The following MAGI1 variants were observed in gnomAD, a reference collection of about 807,000 sequenced individuals.
The protein encoded by MAGI1 is membrane-associated guanylate kinase, WW and PDZ domain-containing protein 1.
Under a neutral mutation model 139.9 loss-of-function variants are expected in MAGI1, and 58 were observed. The observed-to-expected ratio is 0.41, with a 90% CI of 0.34 to 0.52. The LOEUF (loss-of-function observed/expected upper bound fraction) is 0.52. Ranked by LOEUF, MAGI1 falls within the 20% of genes least tolerant of loss-of-function variation. The probability of loss-of-function intolerance (pLI) is 0.12; values close to 1 mark genes in which losing one functional copy is unlikely to be tolerated. For missense variants in MAGI1, 1,874 were observed against 1,901.6 expected (o/e 0.99, Z 0.27); for synonymous variants, 812 against 737.9 (o/e 1.10, Z -1.63).
chr3:65,478,564 A>T, intron 4 of MAGI1, 28 bp downstream of exon 4: 1 of 1,604,220 alleles, frequency 6.2e-7, no homozygotes, highest in South Asian at 1.1e-5. Flanking sequence ...CCCCAGGTCC[A>T]TTGAGGGCAA....
intron 1 of MAGI1, among the ~76,000 whole-genome samples, chr3:66,010,432 A>G (rs2067268070): frequency 6.6e-6 from 1 of 152,128 alleles, no homozygotes; most frequent in African/African-American, 2.4e-5. Context: ...TCTTAGCATG[A>G]TATTCACTGA....
chr3:65,904,645 T>A (rs1375419373), intron 1 of MAGI1, among the ~76,000 whole-genome samples: 1 of 152,210 alleles, frequency 6.6e-6, no homozygotes, highest in African/African-American at 2.4e-5. Flanking sequence ...TCTGGCTTTC[T>A]CATTCTCCAG....
At chr3:65,497,652 T>C (rs1952549809) in intron 2 of MAGI1, among the ~76,000 whole-genome samples, 1 of 152,174 alleles carries the variant, frequency 6.6e-6, no homozygotes, top group Admixed American at 6.5e-5. Context: ...CTAGACAATG[T>C]TGATTTTTTT....
intron 1 of MAGI1, among the ~76,000 whole-genome samples, chr3:65,780,270 C>A (rs528712517): frequency 5.3e-5 from 8 of 152,286 alleles, no homozygotes; most frequent in Middle Eastern, 3.4e-3. Flanking sequence ...GTGATCCCCC[C>A]GCTTCAATCT....
intron 1 of MAGI1, among the ~76,000 whole-genome samples, chr3:65,727,869 G>A (rs1054985061): frequency 5.3e-5 from 8 of 152,136 alleles, no homozygotes; most frequent in African/African-American, 1.9e-4. Flanking sequence ...ATTCAGAAGT[G>A]AAAATTATGT....
chr3:65,429,486 A>T lies in MAGI1; in HGVS notation c.2167+34T>A, dbSNP rs760752587. 9 of 1,545,372 alleles carry T rather than the reference A, an allele frequency of 5.8e-6. No individual in the cohort carries two copies. The South Asian group carries it at 8.8e-5, about 15-fold the overall frequency. ...AGTTAAGCAATGAATTTGGGATAAAAAAAAAATTCAAAGAACAAAACAACC... is the reference window on the plus strand; with the variant it reads ...AGTTAAGCAATGAATTTGGGATAAATAAAAAATTCAAAGAACAAAACAACC... On this transcript the variant is annotated intron_variant, in intron 12 of 22. Transcript: ENST00000402939.
intron 1 of MAGI1, among the ~76,000 whole-genome samples, chr3:65,692,272 T>C (rs985627596): frequency 3.3e-5 from 5 of 152,180 alleles, no homozygotes; most frequent in Non-Finnish European, 7.3e-5. Flanking sequence ...AAGACAGATA[T>C]CGTTTATTCA....
At chr3:65,889,808 G>T (rs1351556971) in intron 1 of MAGI1, among the ~76,000 whole-genome samples, 3 of 152,110 alleles carry the variant, frequency 2.0e-5, no homozygotes, top group Admixed American at 1.3e-4. Context: ...TCCTGGAGGG[G>T]GAGCCACCTG....
intron 2 of MAGI1, among the ~76,000 whole-genome samples, chr3:65,615,326 G>A (rs974226232): frequency 6.6e-6 from 1 of 152,140 alleles, no homozygotes; most frequent in Non-Finnish European, 1.5e-5. Context: ...CCCACCCAAA[G>A]ATTTCCAGCA....
intron 1 of MAGI1, chr3:65,688,496 AG>A: frequency 2.2e-6 from 1 of 450,198 alleles, no homozygotes. Flanking sequence ...TTCCTACCCA[AG>A]GGGGAAGACT....
chr3:65,699,928 G>C (rs956539298), intron 1 of MAGI1, among the ~76,000 whole-genome samples: 1 of 151,052 alleles, frequency 6.6e-6, no homozygotes, highest in African/African-American at 2.4e-5. Context: ...CAAATTCTTA[G>C]GCCTTGCCCC....
At chr3:65,449,854 A>T (rs1303781537) in intron 6 of MAGI1, among the ~76,000 whole-genome samples, 2 of 152,106 alleles carry the variant, frequency 1.3e-5, no homozygotes, top group African/African-American at 4.8e-5. Flanking sequence ...TAAAATTAAA[A>T]CCATGATAAG....
chr3:65,746,294 A>T (rs1000662239), intron 1 of MAGI1, among the ~76,000 whole-genome samples: 1 of 152,190 alleles, frequency 6.6e-6, no homozygotes, highest in African/African-American at 2.4e-5. Flanking sequence ...TTGGCCTTCC[A>T]AAGTGCTGGG....
intron 1 of MAGI1, among the ~76,000 whole-genome samples, chr3:65,736,368 A>G (rs2034731207): frequency 6.6e-6 from 1 of 152,218 alleles, no homozygotes; most frequent in Admixed American, 6.5e-5. Flanking sequence ...CCAGAGAAAC[A>G]GAACCAATAG....
At chr3:65,894,575 G>A (rs1037076174) in intron 1 of MAGI1, among the ~76,000 whole-genome samples, 1 of 152,200 alleles carries the variant, frequency 6.6e-6, no homozygotes, top group Non-Finnish European at 1.5e-5. Flanking sequence ...TTTCTTTGTT[G>A]TTGTAATTGA....
intron 12 of MAGI1, among the ~76,000 whole-genome samples, chr3:65,414,855 TAAA>T (rs57931361): frequency 8.4e-5 from 11 of 131,144 alleles, no homozygotes; most frequent in Non-Finnish European, 8.1e-5. Flanking sequence ...CCGTCTCTAC[TAAA>T]AAAAAAAAAA....
At chr3:65,531,884 T>G (rs2078729768) in intron 2 of MAGI1, among the ~76,000 whole-genome samples, 1 of 152,190 alleles carries the variant, frequency 6.6e-6, no homozygotes, top group African/African-American at 2.4e-5. Flanking sequence ...CTTCAAATGG[T>G]CCACTTCTCA....
At chr3:65,766,092 T>C (rs1484697047) in intron 1 of MAGI1, among the ~76,000 whole-genome samples, 1 of 151,894 alleles carries the variant, frequency 6.6e-6, no homozygotes, top group Non-Finnish European at 1.5e-5. Context: ...GATATTTACA[T>C]TTGCCTTCCT....
At chr3:65,851,290 C>T (rs1156806794) in intron 1 of MAGI1, among the ~76,000 whole-genome samples, 1 of 152,158 alleles carries the variant, frequency 6.6e-6, no homozygotes, top group African/African-American at 2.4e-5. Context: ...CATAAAAGTG[C>T]TCTGCATATT....
Sources: allele counts gnomAD v4.1 joint callset (sites outside exome capture counted in the v4.1 genomes callset), GRCh38; gene constraint gnomAD v4.1.1; transcripts MANE v1.5; gene names NCBI Gene and HGNC (gene_info 2026-07-23, HGNC 2026-07-21).